CNTNAP2: variants seen among roughly 807,000 people sequenced by gnomAD.
CNTNAP2 encodes the protein contactin-associated protein-like 2.
CNTNAP2 carries 98 observed loss-of-function variants against 155.2 expected under a neutral mutation model. That is an observed-to-expected ratio of 0.63 (90% CI 0.54 to 0.75). The LOEUF (loss-of-function observed/expected upper bound fraction) is 0.75, where lower values mean the gene tolerates loss of function less well. Ranked by LOEUF, CNTNAP2 falls within the 30% of genes least tolerant of loss-of-function variation. The pLI, the probability that CNTNAP2 is intolerant of heterozygous loss-of-function variation, is 0.00. For missense variants in CNTNAP2, 1,727 were observed against 1,688.1 expected (o/e 1.02, Z -0.40); for synonymous variants, 651 against 631.2 (o/e 1.03, Z -0.47).
At chr7:148,385,111 T>G (rs938566515) in intron 22 of CNTNAP2, among the ~76,000 whole-genome samples, 1 of 152,196 alleles carries the variant, frequency 6.6e-6, no homozygotes, top group African/African-American at 2.4e-5. Flanking sequence ...GTGGCTTCAG[T>G]GCAGCCATTG....
chr7:146,564,718 G>C (rs1021831980), intron 1 of CNTNAP2, among the ~76,000 whole-genome samples: 1 of 151,392 alleles, frequency 6.6e-6, no homozygotes, highest in African/African-American at 2.4e-5. Flanking sequence ...AAGGAGTAAT[G>C]GATTATTGGT....
intron 1 of CNTNAP2, among the ~76,000 whole-genome samples, chr7:146,143,769 A>ATT (rs368733868): frequency 6.1e-5 from 9 of 148,344 alleles, no homozygotes; most frequent in African/African-American, 9.9e-5. Flanking sequence ...ATTCTAATTT[A>ATT]TTTTTTTTTT....
chr7:146,503,404 C>T (rs1239224657), intron 1 of CNTNAP2, among the ~76,000 whole-genome samples: 1 of 152,152 alleles, frequency 6.6e-6, no homozygotes, highest in East Asian at 1.9e-4. Flanking sequence ...TTTTGTTTAG[C>T]TCATCAGCTA....
Position 146,902,789 on chromosome 7 carries a change from A to G in CNTNAP2, c.402+62885A>G, listed in dbSNP as rs988776996. On this transcript the variant is annotated intron_variant, in intron 3 of 23. Transcript: ENST00000361727. Reference sequence around the variant, plus strand: ...CCCCACCAATAAAGTAGCTGAGAGCATGTGGCTGCCATTGCAGCCTCAGGG... The same window carrying G: ...CCCCACCAATAAAGTAGCTGAGAGCGTGTGGCTGCCATTGCAGCCTCAGGG... Among the ~76,000 whole-genome samples the G allele has an allele frequency of 2.6e-5, 4 of 152,334 alleles. 1 individual carries two copies. In the South Asian group the frequency reaches 8.3e-4, roughly 32 times the overall value.
chr7:146,769,782 C>T (rs1802261013), intron 1 of CNTNAP2, among the ~76,000 whole-genome samples: 1 of 152,128 alleles, frequency 6.6e-6, no homozygotes, highest in Non-Finnish European at 1.5e-5. Flanking sequence ...CATATGATAT[C>T]CATTGCAATA....
At chr7:146,601,024 C>T (rs1357138566) in intron 1 of CNTNAP2, among the ~76,000 whole-genome samples, 2 of 152,088 alleles carry the variant, frequency 1.3e-5, no homozygotes, top group Non-Finnish European at 2.9e-5. Context: ...AAATTACCAA[C>T]AAAAGGCAAT....
At chr7:147,326,117 G>A (rs1383583124) in intron 9 of CNTNAP2, among the ~76,000 whole-genome samples, 1 of 152,110 alleles carries the variant, frequency 6.6e-6, no homozygotes, top group Non-Finnish European at 1.5e-5. Flanking sequence ...GTAGAGATGG[G>A]GTTTCACCGT....
chr7:146,893,707 G>T (rs1297085319), intron 3 of CNTNAP2, among the ~76,000 whole-genome samples: 1 of 152,080 alleles, frequency 6.6e-6, no homozygotes, highest in Non-Finnish European at 1.5e-5. Context: ...CATACTGCCT[G>T]TCTCTTTAGG....
intron 21 of CNTNAP2, among the ~76,000 whole-genome samples, chr7:148,290,371 T>C (rs1797168275): frequency 1.3e-5 from 2 of 152,214 alleles, no homozygotes; most frequent in Admixed American, 1.3e-4. Flanking sequence ...AAAACCAAGC[T>C]GATTGTTCTA....
chr7:148,028,009 A>G (rs949341701), intron 15 of CNTNAP2, among the ~76,000 whole-genome samples: 1 of 152,162 alleles, frequency 6.6e-6, no homozygotes, highest in South Asian at 2.1e-4. Context: ...GCCACACACT[A>G]TTTTAAAAAT....
At chr7:147,811,225 G>T (rs921655735) in intron 13 of CNTNAP2, among the ~76,000 whole-genome samples, 7 of 152,110 alleles carry the variant, frequency 4.6e-5, no homozygotes, top group African/African-American at 1.4e-4. Context: ...CTCCCAAGTA[G>T]CTGGGACTAT....
intron 8 of CNTNAP2, among the ~76,000 whole-genome samples, chr7:147,182,663 A>C (rs1321559756): frequency 2.0e-5 from 3 of 152,088 alleles, no homozygotes; most frequent in African/African-American, 7.2e-5. Context: ...AGAATTAGGA[A>C]GTTTGCTAAT....
chr7:146,880,035 G>C (rs143194318), intron 3 of CNTNAP2, among the ~76,000 whole-genome samples: 1 of 152,034 alleles, frequency 6.6e-6, no homozygotes, highest in Non-Finnish European at 1.5e-5. Flanking sequence ...CAGTATGTGG[G>C]ATACCACTCC....
rs186441138 is a variant in CNTNAP2 at position 146,788,361 on chromosome 7, T to A, written c.208+13980T>A. ...AGGGCTGCTAGCACATTGTCATTTCTCAGTACTAGAGTCATAGGGATTGCT... is the reference window on the plus strand; with the variant it reads ...AGGGCTGCTAGCACATTGTCATTTCACAGTACTAGAGTCATAGGGATTGCT... On this transcript the variant is annotated intron_variant, in intron 2 of 23. Transcript: ENST00000361727. 3.9e-5 allele frequency among the ~76,000 whole-genome samples: 6 copies of A among 152,378 alleles called. No homozygotes were observed. The East Asian group carries it at 9.6e-4, about 24-fold the overall frequency.
chr7:146,191,941 T>C (rs1292878145), intron 1 of CNTNAP2, among the ~76,000 whole-genome samples: 2 of 152,110 alleles, frequency 1.3e-5, no homozygotes, highest in East Asian at 3.9e-4. Flanking sequence ...CATCCTCAGC[T>C]TACGAAGATG....
intron 13 of CNTNAP2, among the ~76,000 whole-genome samples, chr7:147,650,371 C>G (rs1795431464): frequency 6.6e-6 from 1 of 152,054 alleles, no homozygotes; most frequent in African/African-American, 2.4e-5. Flanking sequence ...ACAGTTGACC[C>G]TTCAACAACA....
At chr7:148,082,225 A>G (rs1381762554) in intron 15 of CNTNAP2, among the ~76,000 whole-genome samples, 1 of 152,206 alleles carries the variant, frequency 6.6e-6, no homozygotes, top group Admixed American at 6.5e-5. Context: ...GTGGCTGTGG[A>G]TAAAAGCTAA....
intron 15 of CNTNAP2, among the ~76,000 whole-genome samples, chr7:148,051,470 G>T (rs1433123592): frequency 6.6e-6 from 1 of 151,602 alleles, no homozygotes; most frequent in Non-Finnish European, 1.5e-5. Context: ...ACCAACTGAT[G>T]TTAAAGATAA....
intron 1 of CNTNAP2, among the ~76,000 whole-genome samples, chr7:146,691,175 C>T (rs185624645): frequency 1.3e-5 from 2 of 152,164 alleles, no homozygotes; most frequent in Admixed American, 1.3e-4. Context: ...TGGGTAATCA[C>T]CTTCTTTAGG....
Sources: allele counts gnomAD v4.1 joint callset (sites outside exome capture counted in the v4.1 genomes callset), GRCh38; gene constraint gnomAD v4.1.1; transcripts MANE v1.5; gene names NCBI Gene and HGNC (gene_info 2026-07-23, HGNC 2026-07-21).